NTM: variants seen among roughly 807,000 people sequenced by gnomAD.
The protein encoded by NTM is neurotrimin.
NTM carries 13 observed loss-of-function variants against 42.1 expected under a neutral mutation model. The ratio of observed to expected loss-of-function variants is 0.31; its 90% confidence interval spans 0.20 to 0.49. The LOEUF is 0.49. Among genes scored for constraint, NTM ranks in the 20% least tolerant of loss-of-function variants. NTM has a pLI of 0.99. For synonymous variants in NTM, 187 were observed against 179.2 expected, an observed-to-expected ratio of 1.04 and a Z score of -0.35; for missense variants, 373 against 452.8, an observed-to-expected ratio of 0.82 and a Z score of 1.60.
chr11:132,063,614 T>C (rs1052499232), intron 2 of NTM, among the ~76,000 whole-genome samples: 9 of 152,204 alleles, frequency 5.9e-5, no homozygotes, highest in Non-Finnish European at 8.8e-5. Context: ...GCCCTAATTG[T>C]GCAGTTATTT....
intron 1 of NTM, among the ~76,000 whole-genome samples, chr11:131,480,545 C>T (rs773013689): frequency 6.6e-6 from 1 of 152,132 alleles, no homozygotes; most frequent in Non-Finnish European, 1.5e-5. Flanking sequence ...TGCTTCAGAA[C>T]AAGTGTGGAA....
chr11:131,799,903 C>T (rs1362565856), intron 1 of NTM, among the ~76,000 whole-genome samples: 1 of 152,188 alleles, frequency 6.6e-6, no homozygotes, highest in African/African-American at 2.4e-5. Context: ...TAGTCCACCT[C>T]TCCCCATATA....
chr11:131,620,760 G>A lies in NTM; in HGVS notation c.82+249872G>A, dbSNP rs75014619. ...CCTGCACTGTCCTTCTTCATAACACGTAGTGCTCTGGGATTGTAGATCACA... is the reference window on the plus strand; with the variant it reads ...CCTGCACTGTCCTTCTTCATAACACATAGTGCTCTGGGATTGTAGATCACA... On this transcript the variant is annotated intron_variant, in intron 1 of 8. Transcript: ENST00000683400. Among the ~76,000 whole-genome samples, 561 of 152,256 alleles carry A rather than the reference G, an allele frequency of 3.7e-3. 3 individuals are homozygous for A. Among genetic ancestry groups the A allele is most frequent in the African/African-American group, 0.012 (507 of 41,526 alleles).
chr11:131,389,436 T>A (rs533730619), intron 1 of NTM, among the ~76,000 whole-genome samples: 10 of 152,038 alleles, frequency 6.6e-5, no homozygotes, highest in African/African-American at 2.4e-4. Context: ...TTTCAGGATT[T>A]ATCATTCGCC....
intron 1 of NTM, chr11:131,909,752 G>T: frequency 6.6e-6 from 1 of 152,440 alleles, no homozygotes; most frequent in Non-Finnish European, 1.5e-5. Context: ...AGGAGGACCA[G>T]CAGCAGCCAG....
intron 1 of NTM, among the ~76,000 whole-genome samples, chr11:131,872,032 C>A (rs572287350): frequency 3.3e-5 from 5 of 152,202 alleles, no homozygotes; most frequent in Non-Finnish European, 7.3e-5. Context: ...TTGCCACATT[C>A]AGGAGTTTCA....
intron 1 of NTM, among the ~76,000 whole-genome samples, chr11:131,424,603 T>TTC (rs1555108134): frequency 1.5e-5 from 2 of 130,268 alleles, no homozygotes; most frequent in African/African-American, 2.9e-5. Context: ...TTCTTTTCTT[T>TTC]TTTTTTTTTT....
intron 1 of NTM, among the ~76,000 whole-genome samples, chr11:131,633,766 C>CCTCTCTCTCTCT (rs1238243158): frequency 8.7e-4 from 35 of 40,034 alleles, no homozygotes; most frequent in African/African-American, 1.7e-3. Context: ...CCTCTCTCTC[C>CCTCTCTCTCTCT]CTCTCTCTCT....
chr11:131,546,390 C>G (rs1482065216), intron 1 of NTM, among the ~76,000 whole-genome samples: 1 of 152,180 alleles, frequency 6.6e-6, no homozygotes, highest in Non-Finnish European at 1.5e-5. Flanking sequence ...TATCCCTGGC[C>G]ACTGTCCTGT....
chr11:131,757,811 G>A (rs2083534232), intron 1 of NTM, among the ~76,000 whole-genome samples: 1 of 152,084 alleles, frequency 6.6e-6, no homozygotes, highest in Admixed American at 6.6e-5. Flanking sequence ...AAAAGTAGTG[G>A]GATGAAGATT....
chr11:132,113,153 G>A (rs545371280), intron 2 of NTM, among the ~76,000 whole-genome samples: 8 of 152,190 alleles, frequency 5.3e-5, no homozygotes, highest in Non-Finnish European at 8.8e-5. Context: ...GCTTTGATCA[G>A]GTTAAGGATG....
intron 2 of NTM, among the ~76,000 whole-genome samples, chr11:132,089,721 A>T (rs1200962461): frequency 6.6e-6 from 1 of 152,214 alleles, no homozygotes; most frequent in African/African-American, 2.4e-5. Flanking sequence ...AGCGTCAGTG[A>T]TTTCACCATT....
At chr11:132,174,048 T>G (rs973985845) in intron 3 of NTM, among the ~76,000 whole-genome samples, 55 of 152,226 alleles carry the variant, frequency 3.6e-4, no homozygotes, top group African/African-American at 1.3e-3. Flanking sequence ...ATCTGGTCCC[T>G]GATAGGCTGC....
rs545145475 is a variant in NTM at position 132,091,667 on chromosome 11, C to G, written c.168-54615C>G. Among the ~76,000 whole-genome samples, 8 of 151,946 alleles carry G rather than the reference C, an allele frequency of 5.3e-5. No homozygotes were observed. The East Asian group carries it at 1.6e-3, about 30-fold the overall frequency. ...ACTATTTTTTAAATTTGCTTGTATA[C>G]TTGGTGGTCTGCTTACATTACCCAG... On this transcript the variant is annotated intron_variant, in intron 2 of 8. Coordinates refer to ENST00000683400, the MANE Select transcript of NTM (RefSeq NM_001352005.2).
rs374424932 is a variant in NTM, at chr11:132,135,247, G to T, written c.168-11035G>T. Among the ~76,000 whole-genome samples the T allele has an allele frequency of 1.5e-3, 226 of 152,296 alleles. 1 individual carries two copies. Among genetic ancestry groups the T allele is most frequent in the African/African-American group, 5.2e-3 (217 of 41,574 alleles). On this transcript the variant is annotated intron_variant, in intron 2 of 8. Transcript: ENST00000683400. ...CCCCGTGTCCTCTCTCCCAGGGGCA[G>T]GGCTCACCTGTGGTTGCCTGCTCCC...
chr11:131,966,511 T>A (rs2062851420), intron 2 of NTM, among the ~76,000 whole-genome samples: 1 of 152,086 alleles, frequency 6.6e-6, no homozygotes, highest in Non-Finnish European at 1.5e-5. Flanking sequence ...AGGTTAACCA[T>A]TATGGAGGCG....
At chr11:131,874,764 T>G (rs1318838540) in intron 1 of NTM, among the ~76,000 whole-genome samples, 1 of 152,210 alleles carries the variant, frequency 6.6e-6, no homozygotes, top group Non-Finnish European at 1.5e-5. Context: ...CAAAGATTAA[T>G]CAGGGCTGTA....
At chr11:132,009,384 G>A (rs2071572980) in intron 2 of NTM, among the ~76,000 whole-genome samples, 1 of 152,148 alleles carries the variant, frequency 6.6e-6, no homozygotes, top group Non-Finnish European at 1.5e-5. Flanking sequence ...TGTCAGATGG[G>A]TATGTATGTG....
intron 2 of NTM, among the ~76,000 whole-genome samples, chr11:132,031,558 C>G (rs2075923171): frequency 6.6e-6 from 1 of 152,056 alleles, no homozygotes; most frequent in Admixed American, 6.5e-5. Flanking sequence ...TCAAGGAGGT[C>G]TTCAAGGTTT....
Sources: allele counts gnomAD v4.1 joint callset (sites outside exome capture counted in the v4.1 genomes callset), GRCh38; gene constraint gnomAD v4.1.1; transcripts MANE v1.5; gene names NCBI Gene and HGNC (gene_info 2026-07-23, HGNC 2026-07-21).